SCAPER: variants seen among roughly 807,000 people sequenced by gnomAD.
SCAPER encodes S phase cyclin A-associated protein in the endoplasmic reticulum.
In SCAPER, 98 loss-of-function variants were observed where a neutral mutation model predicts 182.2. That is an observed-to-expected ratio of 0.54 (90% confidence interval 0.46 to 0.64). The LOEUF is 0.64. SCAPER is among the 30% of genes least tolerant of loss of function. The pLI is 0.00. For synonymous variants in SCAPER, 605 were observed against 564.6 expected, an observed-to-expected ratio of 1.07 and a Z score of -1.01; for missense variants, 1,432 against 1,690.0, an observed-to-expected ratio of 0.85 and a Z score of 2.68.
chr15:76,813,635 T>A (rs1391904449), intron 5 of SCAPER, among the ~76,000 whole-genome samples: 1 of 152,028 alleles, frequency 6.6e-6, no homozygotes, highest in Non-Finnish European at 1.5e-5. Flanking sequence ...AAATCAACAT[T>A]CAAAAAATCT....
intron 22 of SCAPER, among the ~76,000 whole-genome samples, chr15:76,619,502 T>C (rs913400294): frequency 6.6e-6 from 1 of 152,240 alleles, no homozygotes; most frequent in African/African-American, 2.4e-5. Context: ...AAACTATTTT[T>C]CCAAGGTAGT....
intron 17 of SCAPER, among the ~76,000 whole-genome samples, chr15:76,722,304 C>T (rs936727714): frequency 2.0e-5 from 3 of 151,978 alleles, no homozygotes; most frequent in Non-Finnish European, 2.9e-5. Flanking sequence ...ATAAGCTTTT[C>T]GATGTGTTGC....
At chr15:76,436,014 G>C (rs1190310995) in intron 25 of SCAPER, among the ~76,000 whole-genome samples, 1 of 151,990 alleles carries the variant, frequency 6.6e-6, no homozygotes, top group East Asian at 1.9e-4. Context: ...AAAATTTCTT[G>C]CATTATTTCT....
At chr15:76,438,110 G>GT (rs1353776134) in intron 25 of SCAPER, among the ~76,000 whole-genome samples, 1 of 151,938 alleles carries the variant, frequency 6.6e-6, no homozygotes, top group African/African-American at 2.4e-5. Flanking sequence ...GTGAAACCCT[G>GT]TATCTACTAA....
chr15:76,811,996 AC>A (rs1361706788), intron 5 of SCAPER, among the ~76,000 whole-genome samples: 1 of 152,066 alleles, frequency 6.6e-6, no homozygotes, highest in Non-Finnish European at 1.5e-5. Flanking sequence ...AATAAAGATA[AC>A]AATAGAAATA....
chr15:76,489,219 T>C (rs1013285320), intron 24 of SCAPER, among the ~76,000 whole-genome samples: 6 of 139,056 alleles, frequency 4.3e-5, no homozygotes, highest in Non-Finnish European at 7.9e-5. Flanking sequence ...AATTGTGGTT[T>C]TGCCATTAAA....
chr15:76,653,311 A>G (rs1461561723), intron 21 of SCAPER, among the ~76,000 whole-genome samples: 1 of 152,188 alleles, frequency 6.6e-6, no homozygotes, highest in Non-Finnish European at 1.5e-5. Context: ...TACAGATATA[A>G]TGCTATTCAT....
chr15:76,704,302 G>A (rs1047934127), intron 18 of SCAPER, among the ~76,000 whole-genome samples: 8 of 152,094 alleles, frequency 5.3e-5, no homozygotes, highest in African/African-American at 1.9e-4. Flanking sequence ...AGTTTCTTTT[G>A]CTGTGCAGAA....
chr15:76,871,335 G>A (rs2072713367), intron 2 of SCAPER, among the ~76,000 whole-genome samples: 1 of 150,102 alleles, frequency 6.7e-6, no homozygotes, highest in African/African-American at 2.5e-5. Context: ...GTTGAACCCA[G>A]GAGGCAGAGG....
At position 76,348,714 on chromosome 15, in the gene SCAPER, G is replaced by A. The variant is rs751489270; in HGVS notation, c.4122C>T (p.Asp1374=). ...GAAATCTGTTAGCCAGCTCAAGATA[G>A]TCTTGGGAACCAAGGCATTTCCCTG... ...QPKGKCLGSQ[D]YLELANRFPQ... Residue 1374 remains aspartate (D), a synonymous_variant, in exon 32 of 32, where the codon GAC becomes GAT. Coordinates refer to ENST00000563290, the MANE Select transcript of SCAPER (RefSeq NM_020843.4). The A allele has an allele frequency of 1.3e-6, 2 of 1,545,464 alleles. No homozygotes were observed. The highest frequency in any genetic ancestry group is 1.8e-6 in the Non-Finnish European group (2 of 1,142,556).
chr15:76,434,409 A>T (rs2047061363), intron 25 of SCAPER, 99 bp from the exon 26 acceptor site: 1 of 877,190 alleles, frequency 1.1e-6, no homozygotes, highest in African/African-American at 1.7e-5. Context: ...TAATTTTGAC[A>T]ATCTAAAATG....
chr15:76,856,485 T>G (rs2071390706), intron 4 of SCAPER, among the ~76,000 whole-genome samples: 1 of 150,892 alleles, frequency 6.6e-6, no homozygotes, highest in South Asian at 2.1e-4. Flanking sequence ...TATAAGTATA[T>G]ATTTTTATAT....
intron 26 of SCAPER, among the ~76,000 whole-genome samples, chr15:76,408,444 T>C (rs1207271680): frequency 6.6e-6 from 1 of 152,134 alleles, no homozygotes; most frequent in Non-Finnish European, 1.5e-5. Context: ...TATTCCTTAT[T>C]ATAAACCATG....
In SCAPER at chr15:76,883,797, T is replaced by C; in HGVS notation, c.6+15A>G. Reference sequence around the variant, plus strand: ...AGGCAAAAAAACTAAGGCTAGTCTTTAAGATATCACTTACCATCATTCTTT... The same window carrying C: ...AGGCAAAAAAACTAAGGCTAGTCTTCAAGATATCACTTACCATCATTCTTT... On this transcript the variant is annotated intron_variant, in intron 2 of 31. Coordinates refer to ENST00000563290, the MANE Select transcript of SCAPER (RefSeq NM_020843.4). 1.3e-6 allele frequency: 2 copies of C among 1,518,200 alleles called. No homozygotes were observed. The highest frequency in any genetic ancestry group is 1.8e-6 in the Non-Finnish European group (2 of 1,127,596). The allele number at this position is 1,518,200 out of a possible 1,614,324, so 94.0% of individuals were successfully genotyped here. A position where few individuals can be genotyped will look rare whatever the true frequency, so the allele number is the denominator to read the frequency against.
intron 21 of SCAPER, among the ~76,000 whole-genome samples, chr15:76,640,186 C>T (rs2053986443): frequency 6.6e-6 from 1 of 152,084 alleles, no homozygotes; most frequent in African/African-American, 2.4e-5. Flanking sequence ...GGCAAAAATT[C>T]TACTCGGATG....
intron 28 of SCAPER, chr15:76,379,902 G>A (rs143560624): frequency 8.6e-4 from 131 of 152,106 alleles, no homozygotes; most frequent in Non-Finnish European, 1.6e-3. Context: ...GTGACTGACC[G>A]AACAGCTGAC....
intron 23 of SCAPER, among the ~76,000 whole-genome samples, chr15:76,521,481 G>C (rs2042832774): frequency 2.0e-5 from 3 of 152,036 alleles, no homozygotes; most frequent in African/African-American, 4.8e-5. Flanking sequence ...CCAGGAGTTC[G>C]AGACCAATTT....
chr15:76,647,413 C>T (rs2054635530), intron 21 of SCAPER, among the ~76,000 whole-genome samples: 1 of 152,104 alleles, frequency 6.6e-6, no homozygotes, highest in Non-Finnish European at 1.5e-5. Context: ...ACTGTCAGCA[C>T]AGGACTGGAA....
chr15:76,496,515 T>G (rs1329809504), intron 24 of SCAPER, among the ~76,000 whole-genome samples: 1 of 152,188 alleles, frequency 6.6e-6, no homozygotes, highest in Non-Finnish European at 1.5e-5. Context: ...TTTCTTTTCT[T>G]TGATTCTGAA....
Sources: gnomAD v4.1 joint callset for allele counts (sites outside exome capture counted in the v4.1 genomes callset) on GRCh38, gnomAD v4.1.1 for gene constraint, MANE v1.5 for transcripts, NCBI Gene and HGNC (gene_info 2026-07-23, HGNC 2026-07-21) for gene names.